Variants in CACNA2D3 observed in about 807,000 individuals in gnomAD.
CACNA2D3 encodes calcium voltage-gated channel auxiliary subunit alpha2delta 3.
A neutral mutation model predicts 160.6 loss-of-function variants in CACNA2D3; 60 were observed. That is an observed-to-expected ratio of 0.37 (90% CI 0.30 to 0.46). The LOEUF is 0.46. CACNA2D3 is among the 20% of genes least tolerant of loss of function. CACNA2D3 has a pLI of 1.00. For missense variants in CACNA2D3, 1,205 were observed against 1,365.0 expected (o/e 0.88, Z 1.85); for synonymous variants, 558 against 492.9 (o/e 1.13, Z -1.75).
chr3:54,289,717 T>A, intron 2 of CACNA2D3, among the ~76,000 whole-genome samples: 1 of 152,012 alleles, frequency 6.6e-6, no homozygotes, highest in Non-Finnish European at 1.5e-5. Context: ...GAGATATAGA[T>A]CAATGGAACA....
At chr3:54,402,604 A>T (rs917228026) in intron 4 of CACNA2D3, among the ~76,000 whole-genome samples, 2 of 152,086 alleles carry the variant, frequency 1.3e-5, no homozygotes, top group Admixed American at 6.5e-5. Flanking sequence ...GTAAATATAT[A>T]TGCACCCAAT....
At chr3:54,184,221 G>A (rs960813157) in intron 2 of CACNA2D3, among the ~76,000 whole-genome samples, 1 of 152,212 alleles carries the variant, frequency 6.6e-6, no homozygotes. Flanking sequence ...GGTTCTGTCG[G>A]AACATTTGGC....
At chr3:54,788,777 T>G (rs1319719019) in intron 13 of CACNA2D3, among the ~76,000 whole-genome samples, 1 of 152,218 alleles carries the variant, frequency 6.6e-6, no homozygotes, top group Non-Finnish European at 1.5e-5. Context: ...ATAACAAAGT[T>G]AAAGTGCTGA....
chr3:54,982,129 C>T (rs1210808917), intron 29 of CACNA2D3, among the ~76,000 whole-genome samples: 2 of 152,156 alleles, frequency 1.3e-5, no homozygotes, highest in Non-Finnish European at 2.9e-5. Flanking sequence ...CCTGTACATG[C>T]CTTATCCTGT....
At chr3:54,744,979 A>G (rs1168961573) in intron 11 of CACNA2D3, among the ~76,000 whole-genome samples, 1 of 152,258 alleles carries the variant, frequency 6.6e-6, no homozygotes, top group Non-Finnish European at 1.5e-5. Context: ...ACCTGGAACA[A>G]ATAATACTTG....
chr3:54,532,516 T>A (rs934885235), intron 5 of CACNA2D3, among the ~76,000 whole-genome samples: 6 of 152,236 alleles, frequency 3.9e-5, no homozygotes, highest in Admixed American at 2.0e-4. Flanking sequence ...TGTGTACGCA[T>A]CATTTAGCTA....
Position 54,599,608 on chromosome 3 carries a change from T to TG in CACNA2D3, c.963+17738dup, listed in dbSNP as rs575960028. On this transcript the variant is annotated intron_variant, in intron 9 of 37. Coordinates refer to ENST00000474759, the MANE Select transcript of CACNA2D3 (RefSeq NM_018398.3). ...TAAATAAAATAACTAATTAATAAGG[T>TG]GGGGGGGAGGAAAAAACCTCTGGTA... Among the ~76,000 whole-genome samples, 789 of 151,814 alleles carry TG rather than the reference T, an allele frequency of 5.2e-3. 18 individuals carry two copies. The highest frequency in any genetic ancestry group is 3.5e-3 in the Admixed American group (53 of 15,264).
intron 2 of CACNA2D3, among the ~76,000 whole-genome samples, chr3:54,216,197 G>A (rs1701460144): frequency 6.6e-6 from 1 of 152,066 alleles, no homozygotes. Context: ...CGAGAAGCCT[G>A]ACACCCACTC....
At chr3:54,709,898 C>T (rs182787243) in intron 11 of CACNA2D3, among the ~76,000 whole-genome samples, 1 of 152,290 alleles carries the variant, frequency 6.6e-6, no homozygotes, top group African/African-American at 2.4e-5. Flanking sequence ...GCACTCTAGC[C>T]TGCATGAAAG....
At chr3:54,808,978 C>T (rs899990092) in intron 13 of CACNA2D3, among the ~76,000 whole-genome samples, 2 of 152,084 alleles carry the variant, frequency 1.3e-5, no homozygotes, top group African/African-American at 4.8e-5. Context: ...CAGTTGTTTT[C>T]GTAAAGACTC....
chr3:54,589,825 G>A (rs553411714), intron 9 of CACNA2D3, among the ~76,000 whole-genome samples: 2 of 152,190 alleles, frequency 1.3e-5, no homozygotes, highest in East Asian at 3.9e-4. Flanking sequence ...GCCATGAAGG[G>A]AATGAAAATT....
chr3:54,286,778 T>G (rs1703039749), intron 2 of CACNA2D3, among the ~76,000 whole-genome samples: 1 of 152,164 alleles, frequency 6.6e-6, no homozygotes, highest in South Asian at 2.1e-4. Context: ...ATATTCAACA[T>G]TCTTAAAGAA....
At chr3:54,519,372 C>T (rs560825169) in intron 5 of CACNA2D3, among the ~76,000 whole-genome samples, 76 of 152,298 alleles carry the variant, frequency 5.0e-4, no homozygotes, top group African/African-American at 1.8e-3. Flanking sequence ...ATCTGGGGGA[C>T]GCTCTGATCC....
intron 5 of CACNA2D3, among the ~76,000 whole-genome samples, chr3:54,545,039 A>T (rs1391547922): frequency 1.3e-5 from 2 of 152,120 alleles, no homozygotes; most frequent in African/African-American, 4.8e-5. Flanking sequence ...ATGCGTTAGG[A>T]CTCTTAAATG....
chr3:54,190,829 A>G (rs563580702), intron 2 of CACNA2D3, among the ~76,000 whole-genome samples: 1 of 152,320 alleles, frequency 6.6e-6, no homozygotes, highest in South Asian at 2.1e-4. Context: ...GTAGAGCTGA[A>G]TTCTAATTCT....
At chr3:54,430,590 G>T (rs1248491509) in intron 4 of CACNA2D3, among the ~76,000 whole-genome samples, 2 of 152,146 alleles carry the variant, frequency 1.3e-5, no homozygotes, top group African/African-American at 4.8e-5. Flanking sequence ...TTGCTTGATG[G>T]GTTTTGGGTA....
chr3:54,418,453 A>G (rs1699789259), intron 4 of CACNA2D3, among the ~76,000 whole-genome samples: 1 of 152,156 alleles, frequency 6.6e-6, no homozygotes, highest in South Asian at 2.1e-4. Context: ...TAAAGGCGAT[A>G]TTTTTTGAAA....
At chr3:54,949,769 A>G (rs1032685899) in intron 27 of CACNA2D3, among the ~76,000 whole-genome samples, 12 of 151,536 alleles carry the variant, frequency 7.9e-5, no homozygotes, top group African/African-American at 2.9e-4. Flanking sequence ...TCTGCCACAG[A>G]TAGATGCATC....
chr3:54,845,115 A>G (rs1698905781), intron 16 of CACNA2D3, among the ~76,000 whole-genome samples: 1 of 151,918 alleles, frequency 6.6e-6, no homozygotes, highest in Admixed American at 6.6e-5. Flanking sequence ...TACTTTTATC[A>G]TTAGAGTCAA....
Sources: gnomAD v4.1 joint callset for allele counts (sites outside exome capture counted in the v4.1 genomes callset) on GRCh38, gnomAD v4.1.1 for gene constraint, MANE v1.5 for transcripts, NCBI Gene and HGNC (gene_info 2026-07-23, HGNC 2026-07-21) for gene names.